The following WDFY3 variants were observed in gnomAD, a reference collection of about 807,000 sequenced individuals.
The protein encoded by WDFY3 is WD repeat and FYVE domain-containing protein 3.
WDFY3 carries 66 observed loss-of-function variants against 409.6 expected under a neutral mutation model. The observed-to-expected ratio is 0.16, with a 90% CI of 0.13 to 0.20. The LOEUF (loss-of-function observed/expected upper bound fraction) is 0.20. Among genes scored for constraint, WDFY3 ranks in the 10% least tolerant of loss-of-function variants. The probability of loss-of-function intolerance (pLI) is 1.00; values close to 1 mark genes in which losing one functional copy is unlikely to be tolerated. For synonymous variants in WDFY3, 1,521 were observed against 1,537.1 expected (o/e 0.99, Z 0.25); for missense variants, 3,031 against 4,298.1 (o/e 0.71, Z 8.24).
intron 2 of WDFY3, among the ~76,000 whole-genome samples, chr4:84,897,636 G>A (rs768365572): frequency 2.6e-5 from 4 of 152,070 alleles, no homozygotes; most frequent in African/African-American, 9.7e-5. Context: ...TGCCCGCCTC[G>A]GTCTCCCAAA....
At chr4:84,684,897 C>T (rs897808414) in intron 62 of WDFY3, among the ~76,000 whole-genome samples, 1 of 152,204 alleles carries the variant, frequency 6.6e-6, no homozygotes, top group Non-Finnish European at 1.5e-5. Flanking sequence ...GAAGCATCTC[C>T]TGTGTGCCAG....
intron 47 of WDFY3, among the ~76,000 whole-genome samples, chr4:84,718,910 G>C (rs921297889): frequency 6.6e-6 from 1 of 152,138 alleles, no homozygotes; most frequent in Non-Finnish European, 1.5e-5. Flanking sequence ...GGCAGGAAAG[G>C]GAATTGAGGC....
chr4:84,684,249 T>C (rs1432275042), intron 62 of WDFY3, 124 bp from the exon 63 acceptor site: 1 of 849,922 alleles, frequency 1.2e-6, no homozygotes, highest in Admixed American at 3.7e-5. Flanking sequence ...TAGTGGCTAA[T>C]TTCTTAGGTA....
chr4:84,931,244 G>A (rs749289161), intron 2 of WDFY3, among the ~76,000 whole-genome samples: 6 of 152,158 alleles, frequency 3.9e-5, no homozygotes, highest in Non-Finnish European at 8.8e-5. Flanking sequence ...AGGAATAAGT[G>A]AGACCTTTTT....
At chr4:84,737,423 T>C in intron 40 of WDFY3, 57 bp from the exon 41 acceptor site, 5 of 1,475,582 alleles carry the variant, frequency 3.4e-6, no homozygotes, top group Non-Finnish European at 4.5e-6. Flanking sequence ...AAACACAGTA[T>C]AAAGTTAGTT....
intron 3 of WDFY3, among the ~76,000 whole-genome samples, chr4:84,877,229 A>T (rs1239491055): frequency 6.6e-6 from 1 of 152,116 alleles, no homozygotes. Flanking sequence ...GCCTGCACGC[A>T]CCCTGAGCCC....
At chr4:84,821,819 A>T (rs1381709086) in intron 10 of WDFY3, among the ~76,000 whole-genome samples, 5 of 152,206 alleles carry the variant, frequency 3.3e-5, no homozygotes, top group Admixed American at 6.6e-5. Flanking sequence ...TAGAGGGAAT[A>T]AAAGCATATT....
Position 84,860,409 on chromosome 4 carries a change from T to C in WDFY3, c.180+3A>G. ...AGGTGTGTGTCTGGCAACCTGGACT[T>C]ACCCTGTTAAACACTGGCAGCATCA... On this transcript the variant is annotated splice_donor_region_variant and intron_variant, in intron 4 of 67. Coordinates refer to ENST00000295888, the MANE Select transcript of WDFY3 (RefSeq NM_014991.6). The C allele has an allele frequency of 2.5e-6, 4 of 1,610,266 alleles. No homozygotes were observed. The highest frequency in any genetic ancestry group is 3.4e-6 in the Non-Finnish European group (4 of 1,177,070).
intron 3 of WDFY3, among the ~76,000 whole-genome samples, chr4:84,888,074 A>T (rs1421977054): frequency 6.6e-6 from 1 of 152,198 alleles, no homozygotes; most frequent in Non-Finnish European, 1.5e-5. Flanking sequence ...CACATAGGGG[A>T]AATGTTACAT....
chr4:84,757,186 A>G, intron 32 of WDFY3, 25 bp from the exon 33 acceptor site: 1 of 1,600,338 alleles, frequency 6.2e-7, no homozygotes, highest in African/African-American at 1.3e-5. Flanking sequence ...ATATAACAGT[A>G]AGTGCAAAAT....
At chr4:84,851,554 A>C (rs993121234) in intron 4 of WDFY3, among the ~76,000 whole-genome samples, 1 of 152,152 alleles carries the variant, frequency 6.6e-6, no homozygotes, top group Non-Finnish European at 1.5e-5. Flanking sequence ...ACAAGCAAAT[A>C]AAAGACCCAG....
intron 4 of WDFY3, among the ~76,000 whole-genome samples, chr4:84,859,902 C>G (rs950494133): frequency 9.9e-5 from 15 of 152,100 alleles, no homozygotes; most frequent in Non-Finnish European, 1.9e-4. Context: ...TAAAAATACC[C>G]AACAAGATTG....
chr4:84,675,023 T>TA (rs1726030659), intron 67 of WDFY3, among the ~76,000 whole-genome samples: 1 of 151,360 alleles, frequency 6.6e-6, no homozygotes. Flanking sequence ...CTGGATGGAG[T>TA]GCAGTGGCGT....
chr4:84,869,056 T>C (rs544946721), intron 3 of WDFY3, among the ~76,000 whole-genome samples: 1 of 152,230 alleles, frequency 6.6e-6, no homozygotes, highest in South Asian at 2.1e-4. Flanking sequence ...TAACCTGTAG[T>C]TCAGGTCATT....
chr4:84,784,942 C>T (rs1282531156), intron 24 of WDFY3, among the ~76,000 whole-genome samples: 1 of 144,900 alleles, frequency 6.9e-6, no homozygotes, highest in Non-Finnish European at 1.5e-5. Context: ...AATCTGATCA[C>T]TTCTTATCAC....
intron 5 of WDFY3, among the ~76,000 whole-genome samples, chr4:84,843,652 G>T (rs1386837041): frequency 6.6e-6 from 1 of 152,112 alleles, no homozygotes; most frequent in Non-Finnish European, 1.5e-5. Flanking sequence ...TCCTGTCTTG[G>T]TTTCCCAAAC....
At chr4:84,708,776 A>T in intron 53 of WDFY3, 133 bp downstream of exon 53, 1 of 929,116 alleles carries the variant, frequency 1.1e-6, no homozygotes, top group Non-Finnish European at 1.6e-6. Context: ...CCTGGGCTCA[A>T]GTGATTCGCC....
At chr4:84,806,830 A>T (rs1751591849) in intron 15 of WDFY3, among the ~76,000 whole-genome samples, 1 of 151,854 alleles carries the variant, frequency 6.6e-6, no homozygotes, top group African/African-American at 2.4e-5. Context: ...GGCTGGTCTT[A>T]AACTCCTGAC....
intron 2 of WDFY3, among the ~76,000 whole-genome samples, chr4:84,902,506 T>A (rs1049835342): frequency 6.6e-6 from 1 of 152,206 alleles, no homozygotes; most frequent in Non-Finnish European, 1.5e-5. Flanking sequence ...TGTCTCAAGT[T>A]AAACTCTAAA....
Sources: allele counts gnomAD v4.1 joint callset (sites outside exome capture counted in the v4.1 genomes callset), GRCh38; gene constraint gnomAD v4.1.1; transcripts MANE v1.5; gene names NCBI Gene and HGNC (gene_info 2026-07-23, HGNC 2026-07-21).